UNC45B: variants seen among roughly 807,000 people sequenced by gnomAD.
UNC45B encodes the protein unc-45 myosin chaperone B.
Under a neutral mutation model 98.7 loss-of-function variants are expected in UNC45B, and 78 were observed. The ratio of observed to expected loss-of-function variants is 0.79; its 90% CI spans 0.66 to 0.95. UNC45B has a LOEUF of 0.95. Ranked by LOEUF, UNC45B falls within the 40% of genes least tolerant of loss-of-function variation. The pLI is 0.00. For missense variants in UNC45B, 1,225 were observed against 1,184.9 expected (o/e 1.03, Z -0.50); for synonymous variants, 462 against 480.4 (o/e 0.96, Z 0.50).
intron 17 of UNC45B, among the ~76,000 whole-genome samples, chr17:35,177,974 A>C (rs2092247912): frequency 6.6e-6 from 1 of 151,276 alleles, no homozygotes; most frequent in Non-Finnish European, 1.5e-5. Flanking sequence ...ATCTCAGCTC[A>C]CTGCACCCTC....
intron 18 of UNC45B, among the ~76,000 whole-genome samples, chr17:35,182,030 A>T (rs76525243): frequency 0.075 from 11,399 of 151,980 alleles, 540 homozygotes; most frequent in East Asian, 0.14. Context: ...AGTGGTCCCA[A>T]TAGGATAGAA....
chr17:35,180,483 C>T, intron 17 of UNC45B, 76 bp from the exon 18 acceptor site: 1 of 1,138,992 alleles, frequency 8.8e-7, no homozygotes, highest in Non-Finnish European at 1.3e-6. Context: ...GAAGAATGGT[C>T]CCTGGGTGGC....
In UNC45B at chr17:35,148,980, A is replaced by C; in HGVS notation, c.176A>C (p.Tyr59Ser). ...RAACGLKTES[Y>S]VQAASDASRA... is the part of the protein sequence containing the mutation. ...TCCTTCCCCTTTCCTCAGGAGAGCT[A>C]CGTCCAGGCAGCTTCAGATGCCTCC... is the stretch of plus-strand genomic sequence containing the variant. The change falls in exon 3 of 20, where the codon TAC (tyrosine) becomes TCC (serine). Residue 59 changes from tyrosine (Y) to serine (S), a missense_variant. By Grantham distance (144) the Tyr-to-Ser change is moderately radical (BLOSUM62 -2). Coordinates refer to ENST00000394570, the MANE Select transcript of UNC45B (RefSeq NM_001267052.2). The C allele has an allele frequency of 1.2e-6, 2 of 1,614,050 alleles. No homozygotes were observed. The highest frequency in any genetic ancestry group is 1.7e-6 in the Non-Finnish European group (2 of 1,179,998).
rs760747648 is a variant in UNC45B at position 35,168,093 on chromosome 17, A to G, written c.1184A>G (p.Asn395Ser). 1.3e-6 allele frequency: 2 copies of G among 1,559,888 alleles called. No homozygotes were observed. Among genetic ancestry groups the G allele is most frequent in the Non-Finnish European group, 1.7e-6 (2 of 1,152,062 alleles). The change falls in exon 10 of 20, where the codon AAC becomes AGC. Residue 395 changes from asparagine (N) to serine (S), a missense_variant. Transcript: ENST00000394570. Reference protein sequence around the residue: ...GKFDPQDMDKNLNAIQTVSGI... With the variant: ...GKFDPQDMDKSLNAIQTVSGI... ...TTTGACCCCCAGGACATGGACAAGA[A>G]CTTGAATGCCATCCAGACAGTGTCA...
rs756957061 is a variant in UNC45B at position 35,177,574 on chromosome 17, G to T, written c.2219G>T (p.Gly740Val). 1 of 1,559,632 alleles carries T rather than the reference G, an allele frequency of 6.4e-7. No individual in the cohort carries two copies. Among genetic ancestry groups the T allele is most frequent in the East Asian group, 2.4e-5 (1 of 41,706 alleles). Residue 740 changes from glycine to valine, a missense_variant, in exon 17 of 20, where the codon GGC becomes GTC. By Grantham distance (109) the Gly-to-Val change is moderately radical. Transcript: ENST00000394570. ...DGLQNYEALL[G>V]LTNLSGRSDK... ...CTTCAGAACTATGAGGCTCTCCTAG[G>T]CCTCACCAACCTGTCTGGGCGGAGT...
intron 9 of UNC45B, among the ~76,000 whole-genome samples, chr17:35,165,854 G>A (rs1418318796): frequency 1.3e-5 from 2 of 151,830 alleles, no homozygotes; most frequent in Admixed American, 6.6e-5. Context: ...CAGAAGAATC[G>A]CTTGAACCCA....
intron 14 of UNC45B, 52 bp from the exon 15 acceptor site, chr17:35,175,916 T>G: frequency 6.4e-7 from 1 of 1,561,760 alleles, no homozygotes; most frequent in Non-Finnish European, 8.8e-7. Context: ...TGCTGCTGCC[T>G]GGGAAGGTGT....
intron 4 of UNC45B, chr17:35,151,204 G>C (rs2092016422): frequency 3.4e-6 from 1 of 297,696 alleles, no homozygotes. Context: ...CTTTTCCTCC[G>C]CTGACAAATA....
chr17:35,164,189 A>G (rs1311781656), intron 9 of UNC45B, 23 bp downstream of exon 9: 7 of 1,597,390 alleles, frequency 4.4e-6, no homozygotes, highest in Non-Finnish European at 6.0e-6. Flanking sequence ...GAGGCCTCAC[A>G]GGGTCAGGCT....
chr17:35,176,923 C>T (rs2142585161), intron 15 of UNC45B, 94 bp from the exon 16 acceptor site: 1 of 948,998 alleles, frequency 1.1e-6, no homozygotes, highest in Non-Finnish European at 1.6e-6. Flanking sequence ...TCCTGGACCT[C>T]CCATGGGACA....
At chr17:35,152,311 A>G (rs1439733643) in intron 4 of UNC45B, among the ~76,000 whole-genome samples, 1 of 152,188 alleles carries the variant, frequency 6.6e-6, no homozygotes, top group South Asian at 2.1e-4. Flanking sequence ...GACCCCCCCA[A>G]ACAAAGTAAC....
chr17:35,180,253 TGAGAGAGA>T lies in UNC45B; in HGVS notation c.2256-277_2256-270del, dbSNP rs56300196. On this transcript the variant is annotated intron_variant, in intron 17 of 19. Transcript: ENST00000394570. ...CATCTTCTTGGATCTACATCCAGGA[TGAGAGAGA>T]GAGAGAGAGAGAGAGAGAGAGAGAG... Among the ~76,000 whole-genome samples, 22,882 of 139,858 alleles carry T rather than the reference TGAGAGAGA, an allele frequency of 0.16. 1,873 individuals carry two copies. The highest frequency in any genetic ancestry group is 0.22 in the South Asian group (908 of 4,040). 91.8% of individuals were successfully genotyped at this position (139,858 alleles called of 152,430 possible).
chr17:35,179,792 C>A (rs2092261073), intron 17 of UNC45B, among the ~76,000 whole-genome samples: 1 of 151,968 alleles, frequency 6.6e-6, no homozygotes, highest in South Asian at 2.1e-4. Flanking sequence ...GGAGAAATAC[C>A]CTAATGTAAA....
chr17:35,185,838 G>A (rs1227467616), intron 19 of UNC45B, among the ~76,000 whole-genome samples: 1 of 152,080 alleles, frequency 6.6e-6, no homozygotes, highest in East Asian at 1.9e-4. Context: ...GATTCCTTTA[G>A]TCCTTTTGTT....
intron 8 of UNC45B, 109 bp from the exon 9 acceptor site, chr17:35,163,886 C>A: frequency 7.9e-7 from 1 of 1,265,682 alleles, no homozygotes; most frequent in Non-Finnish European, 1.1e-6. Flanking sequence ...CACATGTTTT[C>A]TACAGACAGG....
rs1433751039 is a variant in UNC45B at position 35,170,437 on chromosome 17, C to A, written c.1689+182C>A. On this transcript the variant is annotated intron_variant, in intron 12 of 19. Transcript: ENST00000394570. ...TGATTGTAAAATGGACTCCCGACTC[C>A]CAATGCCTTCCAGAGATGGGAAGAT... is the stretch of plus-strand genomic sequence containing the variant. Among the ~76,000 whole-genome samples, 3 of 151,526 alleles carry A rather than the reference C, an allele frequency of 2.0e-5. No homozygotes were observed. In the East Asian group the frequency reaches 5.8e-4, roughly 29 times the overall value.
intron 6 of UNC45B, 107 bp from the exon 7 acceptor site, chr17:35,155,189 C>T: frequency 7.2e-7 from 1 of 1,391,074 alleles, no homozygotes; most frequent in Non-Finnish European, 9.8e-7. Context: ...GCTGATTTCT[C>T]TACTGCATGG....
At chr17:35,168,792 C>G (rs147111800) in intron 10 of UNC45B, among the ~76,000 whole-genome samples, 1 of 152,170 alleles carries the variant, frequency 6.6e-6, no homozygotes, top group Non-Finnish European at 1.5e-5. Context: ...CTGCAACCTC[C>G]GCCTCCCAGG....
Position 35,177,508 on chromosome 17 carries a change from T to G in UNC45B, c.2153T>G (p.Val718Gly). ...AFPGERVYEVVRPLVRLLDTQ... is the reference protein window; with the variant it reads ...AFPGERVYEVGRPLVRLLDTQ... ...CCTCCCCAACAGGTGTATGAGGTGG[T>G]GCGGCCCCTTGTAAGACTCTTGGAC... is the stretch of plus-strand genomic sequence containing the variant. The change falls in exon 17 of 20, where the codon GTG becomes GGG. Residue 718 changes from valine to glycine, a missense_variant. Val to Gly is a moderately radical substitution (Grantham distance 109). Transcript: ENST00000394570. The G allele has an allele frequency of 6.4e-7, 1 of 1,561,852 alleles. No homozygotes were observed.
Sources: allele counts gnomAD v4.1 joint callset (sites outside exome capture counted in the v4.1 genomes callset), GRCh38; gene constraint gnomAD v4.1.1; transcripts MANE v1.5; gene names NCBI Gene and HGNC (gene_info 2026-07-23, HGNC 2026-07-21).